ERCC6L2: variants seen among roughly 807,000 people sequenced by gnomAD.
The protein encoded by ERCC6L2 is DNA excision repair protein ERCC-6-like 2.
In ERCC6L2, 77 loss-of-function variants were observed where a neutral mutation model predicts 132.0. The ratio of observed to expected loss-of-function variants is 0.58; its 90% CI spans 0.49 to 0.71. The LOEUF is 0.71. Among genes scored for constraint, ERCC6L2 ranks in the 30% least tolerant of loss-of-function variants. ERCC6L2 has a pLI of 0.00. For missense variants in ERCC6L2, 1,542 were observed against 1,837.6 expected (o/e 0.84, Z 2.94); for synonymous variants, 583 against 632.4 (o/e 0.92, Z 1.17).
chr9:95,876,925 C>T (rs1305242794), intron 1 of ERCC6L2: 1 of 152,094 alleles, frequency 6.6e-6, no homozygotes, highest in Non-Finnish European at 1.5e-5. Flanking sequence ...ATGAAGCTGC[C>T]GAGTGGATAT....
intron 11 of ERCC6L2, among the ~76,000 whole-genome samples, chr9:95,940,633 T>C (rs1265626193): frequency 6.6e-6 from 1 of 152,170 alleles, no homozygotes; most frequent in Non-Finnish European, 1.5e-5. Flanking sequence ...TATACCAGTA[T>C]AATTTCAGTT....
chr9:95,931,828 T>C (rs1490187144), intron 11 of ERCC6L2, among the ~76,000 whole-genome samples: 1 of 152,138 alleles, frequency 6.6e-6, no homozygotes, highest in East Asian at 1.9e-4. Context: ...AGTAGGCTTG[T>C]ATTCTGAAGG....
chr9:95,903,573 GTT>G (rs1452204102), intron 3 of ERCC6L2, among the ~76,000 whole-genome samples: 1 of 151,918 alleles, frequency 6.6e-6, no homozygotes, highest in African/African-American at 2.4e-5. Context: ...GTAACTTTCT[GTT>G]TTGATAGAAT....
chr9:96,029,318 A>C (rs12338462), intron 19 of ERCC6L2, among the ~76,000 whole-genome samples: 10,676 of 147,740 alleles, frequency 0.072, 734 homozygotes, highest in African/African-American at 0.18. Flanking sequence ...AAAAAAAAAA[A>C]AAAAACAAAA....
At chr9:96,009,212 T>C (rs1173809536) in intron 18 of ERCC6L2, among the ~76,000 whole-genome samples, 2 of 152,234 alleles carry the variant, frequency 1.3e-5, no homozygotes, top group Non-Finnish European at 2.9e-5. Flanking sequence ...GGCAGAGCGA[T>C]GACAGACTCG....
downstream of ERCC6L2, among the ~76,000 whole-genome samples, chr9:96,022,924 C>G (rs1834315237): frequency 6.6e-6 from 1 of 152,210 alleles, no homozygotes; most frequent in Admixed American, 6.5e-5. Flanking sequence ...CCCACAGACA[C>G]AGGCCACTTA....
At chr9:95,952,254 C>T (rs1831372322) in intron 12 of ERCC6L2, among the ~76,000 whole-genome samples, 1 of 149,256 alleles carries the variant, frequency 6.7e-6, no homozygotes, top group African/African-American at 2.5e-5. Context: ...CCAATTAATT[C>T]TATAAAGCCA....
In ERCC6L2 at chr9:96,017,507, CT is replaced by C. The variant is rs1564307777; in HGVS notation, c.*4305del. Among the ~76,000 whole-genome samples the C allele has an allele frequency of 6.6e-6, 1 of 152,204 alleles. No individual in the cohort carries two copies. Among genetic ancestry groups the C allele is most frequent in the Non-Finnish European group, 1.5e-5 (1 of 68,034 alleles). On this transcript the variant is annotated 3_prime_UTR_variant, in exon 19 of 19. Transcript: ENST00000653738. ...TTTAAGCATGCACATGTCCAGGGTCCTCATCAAGAGACTGAATCAGGGGGTC... is the reference window on the plus strand; with the variant it reads ...TTTAAGCATGCACATGTCCAGGGTCCCATCAAGAGACTGAATCAGGGGGTC...
chr9:96,012,095 A>T (rs1384072391), intron 18 of ERCC6L2, 130 bp from the exon 19 acceptor site: 3 of 511,420 alleles, frequency 5.9e-6, no homozygotes, highest in Non-Finnish European at 8.6e-6. Flanking sequence ...TCATTGTGGA[A>T]TTCAGCAGAC....
intron 16 of ERCC6L2, among the ~76,000 whole-genome samples, 169 bp downstream of exon 16, chr9:95,973,257 T>A (rs1013988697): frequency 5.3e-5 from 8 of 152,188 alleles, no homozygotes; most frequent in African/African-American, 1.9e-4. Flanking sequence ...CACATATAGG[T>A]CAAGATAGAG....
intron 2 of ERCC6L2, among the ~76,000 whole-genome samples, chr9:95,889,516 A>G (rs1028420932): frequency 6.6e-6 from 1 of 152,052 alleles, no homozygotes; most frequent in Non-Finnish European, 1.5e-5. Flanking sequence ...TAATTAAGGT[A>G]CACTTAAACT....
intron 4 of ERCC6L2, 67 bp downstream of exon 4, chr9:95,907,338 G>GTTTT (rs36115321): frequency 1.1e-3 from 611 of 545,492 alleles, no homozygotes; most frequent in South Asian, 1.8e-3. Context: ...TATATTAAGA[G>GTTTT]TTTTTTTTTT....
intron 18 of ERCC6L2, among the ~76,000 whole-genome samples, chr9:96,006,104 C>T (rs114250522): frequency 8.5e-5 from 13 of 152,236 alleles, no homozygotes; most frequent in African/African-American, 3.1e-4. Context: ...TGAGCTACTC[C>T]TGGTTTGGGG....
chr9:96,008,493 C>CT (rs1318399614), intron 18 of ERCC6L2, among the ~76,000 whole-genome samples: 1 of 152,130 alleles, frequency 6.6e-6, no homozygotes, highest in Non-Finnish European at 1.5e-5. Flanking sequence ...TTTGTGCCCT[C>CT]TGAGTCAGAA....
Position 96,002,980 on chromosome 9 carries a change from AT to A in ERCC6L2, c.3493-1532del, listed in dbSNP as rs1554761250. 2.7e-5 allele frequency among the ~76,000 whole-genome samples: 4 copies of A among 150,006 alleles called. No individual in the cohort carries two copies. In the South Asian group the frequency reaches 6.4e-4, roughly 24 times the overall value. ...ATGTCTTCTGTCTCTTAACTTCCCTATTTTTTTTAATCTCTGCACTTAATTC... is the reference window on the plus strand; with the variant it reads ...ATGTCTTCTGTCTCTTAACTTCCCTATTTTTTTAATCTCTGCACTTAATTC... On this transcript the variant is annotated intron_variant, in intron 17 of 18. Coordinates refer to ENST00000653738, the MANE Select transcript of ERCC6L2 (RefSeq NM_020207.7).
At chr9:95,987,050 C>A (rs1314853202) in intron 17 of ERCC6L2, among the ~76,000 whole-genome samples, 1 of 152,148 alleles carries the variant, frequency 6.6e-6, no homozygotes, top group Non-Finnish European at 1.5e-5. Flanking sequence ...TTCACTACCA[C>A]GAGAACAGTA....
chr9:95,959,304 T>C (rs1395662236), intron 13 of ERCC6L2, among the ~76,000 whole-genome samples: 1 of 151,654 alleles, frequency 6.6e-6, no homozygotes, highest in East Asian at 1.9e-4. Flanking sequence ...TAATAAATGG[T>C]GCTGGGAAAA....
chr9:95,993,567 G>A (rs1833373426), intron 17 of ERCC6L2, among the ~76,000 whole-genome samples: 1 of 152,068 alleles, frequency 6.6e-6, no homozygotes, highest in African/African-American at 2.4e-5. Context: ...CAGATAGATG[G>A]GTTTCTTGAA....
chr9:95,884,390 C>T (rs1297281513), intron 2 of ERCC6L2, among the ~76,000 whole-genome samples: 4 of 152,030 alleles, frequency 2.6e-5, no homozygotes, highest in African/African-American at 4.8e-5. Flanking sequence ...TGAATGATTA[C>T]TGTGTTAACT....
Sources: gnomAD v4.1 joint callset for allele counts (sites outside exome capture counted in the v4.1 genomes callset) on GRCh38, gnomAD v4.1.1 for gene constraint, MANE v1.5 for transcripts, NCBI Gene and HGNC (gene_info 2026-07-23, HGNC 2026-07-21) for gene names.